The following ANXA4 variants were observed in gnomAD, a reference collection of about 807,000 sequenced individuals.
ANXA4 encodes 35-beta calcimedin.
In ANXA4, 39 loss-of-function variants were observed where a neutral mutation model predicts 49.8. The observed-to-expected ratio is 0.78, with a 90% CI of 0.61 to 1.02. The LOEUF is 1.02. ANXA4 is among the 50% of genes least tolerant of loss of function. The probability of loss-of-function intolerance (pLI) is 0.00; values close to 1 mark genes in which losing one functional copy is unlikely to be tolerated. For missense variants in ANXA4, 360 were observed against 410.1 expected, an observed-to-expected ratio of 0.88 and a Z score of 1.05; for synonymous variants, 134 against 152.5, an observed-to-expected ratio of 0.88 and a Z score of 0.89.
intron 1 of ANXA4, among the ~76,000 whole-genome samples, chr2:69,771,085 C>A (rs1361986342): frequency 7.2e-6 from 1 of 138,640 alleles, no homozygotes; most frequent in Non-Finnish European, 1.5e-5. Context: ...CAGGGCAAGA[C>A]CCTGTCTCCA....
At position 69,686,977 on chromosome 2, in the gene ANXA4, C is replaced by G. The variant is rs78325732; in HGVS notation, n.766+33695C>G. Among the ~76,000 whole-genome samples, 23 of 152,316 alleles carry G rather than the reference C, an allele frequency of 1.5e-4. No homozygotes were observed. In the East Asian group the frequency reaches 4.2e-3, roughly 28 times the overall value. On this transcript the variant is annotated intron_variant and non_coding_transcript_variant, in intron 2 of 3. Coordinates refer to the ANXA4 transcript ENST00000418066. ...AACACATAACTTAAAGTCACACTTT[C>G]CTGAGATCAGAGCAGAGGATGGCAG...
intron 2 of ANXA4, among the ~76,000 whole-genome samples, chr2:69,675,649 G>A (rs1313304869): frequency 6.6e-6 from 1 of 152,164 alleles, no homozygotes; most frequent in African/African-American, 2.4e-5. Context: ...CAGGGGCTGC[G>A]GGGAGGGAGG....
chr2:69,753,204 A>C (rs1670919692), intron 1 of ANXA4, among the ~76,000 whole-genome samples: 1 of 152,172 alleles, frequency 6.6e-6, no homozygotes, highest in Non-Finnish European at 1.5e-5. Flanking sequence ...CTAGTATATG[A>C]TAGGGGCAAA....
intron 2 of ANXA4, among the ~76,000 whole-genome samples, chr2:69,783,895 G>A (rs1672303100): frequency 1.3e-5 from 2 of 152,054 alleles, no homozygotes; most frequent in African/African-American, 2.4e-5. Context: ...TTCTTTTTCT[G>A]GGCATTATAT....
intron 2 of ANXA4, among the ~76,000 whole-genome samples, chr2:69,676,006 CAAA>C (rs558159796): frequency 1.0e-5 from 1 of 99,046 alleles, no homozygotes; most frequent in Non-Finnish European, 2.1e-5. Context: ...GACTCTGTCT[CAAA>C]AAAAAAAAAA....
chr2:69,777,146 G>C (rs4852330), intron 1 of ANXA4, among the ~76,000 whole-genome samples: 1 of 151,920 alleles, frequency 6.6e-6, no homozygotes, highest in South Asian at 2.1e-4. Flanking sequence ...CTCTCCAGGC[G>C]CACGTCTTCC....
chr2:69,806,525 G>C (rs1673450373), intron 5 of ANXA4, 27 bp downstream of exon 5: 33 of 1,563,046 alleles, frequency 2.1e-5, no homozygotes, highest in Non-Finnish European at 2.9e-5. Flanking sequence ...TCGTGCTCTT[G>C]GTGCTGTTGG....
intron 3 of ANXA4, among the ~76,000 whole-genome samples, chr2:69,734,251 C>T (rs1182346271): frequency 1.3e-5 from 2 of 152,220 alleles, no homozygotes; most frequent in Admixed American, 6.5e-5. Context: ...TGGCCATCCT[C>T]CTGAGACTAC....
intron 2 of ANXA4, chr2:69,700,447 A>C (rs1331890981): frequency 1.3e-5 from 2 of 152,218 alleles, no homozygotes; most frequent in Non-Finnish European, 2.9e-5. Flanking sequence ...AGGTTTAAAA[A>C]GTCTTACTAT....
intron 2 of ANXA4, among the ~76,000 whole-genome samples, chr2:69,705,028 G>A (rs1421629220): frequency 6.6e-6 from 1 of 152,144 alleles, no homozygotes; most frequent in African/African-American, 2.4e-5. Context: ...TGATGGGCCT[G>A]TAATTCCAGG....
intron 3 of ANXA4, among the ~76,000 whole-genome samples, chr2:69,796,817 A>C (rs1373645065): frequency 2.0e-5 from 3 of 152,046 alleles, no homozygotes; most frequent in Non-Finnish European, 4.4e-5. Context: ...CTCCTGCAAA[A>C]CTTGCTCTTC....
intron 1 of ANXA4, among the ~76,000 whole-genome samples, chr2:69,758,230 C>G (rs1671140036): frequency 6.6e-6 from 1 of 152,176 alleles, no homozygotes; most frequent in South Asian, 2.1e-4. Flanking sequence ...CCAGGCTGGT[C>G]TTGAACTCCT....
At chr2:69,667,890 T>C (rs1260130576) in intron 2 of ANXA4, among the ~76,000 whole-genome samples, 1 of 152,238 alleles carries the variant, frequency 6.6e-6, no homozygotes, top group Admixed American at 6.5e-5. Flanking sequence ...GGATGGTCTC[T>C]GCTTTTCTCC....
Position 69,818,612 on chromosome 2 carries a change from CA to C in ANXA4, c.646del (p.Arg216GlyfsTer26). The C allele has an allele frequency of 6.2e-7, 1 of 1,602,130 alleles. No homozygotes were observed. Among genetic ancestry groups the C allele is most frequent in the Non-Finnish European group, 8.5e-7 (1 of 1,173,600 alleles). On this transcript the variant is annotated frameshift_variant, in exon 10 of 13. Coordinates refer to ENST00000394295, the MANE Select transcript of ANXA4 (RefSeq NM_001153.5). LOFTEE classifies it high-confidence loss of function. ...TATTGTCTGCAGTGTTTGATGAATA[CA>C]AAAGGATATCACAGAAGGATATTGA... The part of the protein sequence containing the change: ...NHLLHVFDEY[K>X]RISQKDIEQS...
At chr2:69,665,004 G>A (rs988891484) in intron 2 of ANXA4, among the ~76,000 whole-genome samples, 3 of 152,310 alleles carry the variant, frequency 2.0e-5, no homozygotes, top group Admixed American at 6.5e-5. Context: ...TCAGGAGGCT[G>A]AGGCAGGAGA....
chr2:69,766,675 C>T (rs1671506470), intron 1 of ANXA4, among the ~76,000 whole-genome samples: 1 of 152,044 alleles, frequency 6.6e-6, no homozygotes, highest in Non-Finnish European at 1.5e-5. Context: ...CTTTTTTTCT[C>T]ATCAGAAGGG....
chr2:69,786,199 C>G (rs1346796563), intron 2 of ANXA4, among the ~76,000 whole-genome samples: 1 of 152,132 alleles, frequency 6.6e-6, no homozygotes, highest in Non-Finnish European at 1.5e-5. Context: ...TAAATGATAC[C>G]CAGCTGCTCA....
chr2:69,755,316 A>G (rs1007151455), intron 1 of ANXA4, among the ~76,000 whole-genome samples: 2 of 152,204 alleles, frequency 1.3e-5, no homozygotes, highest in Non-Finnish European at 2.9e-5. Context: ...ACTGAATTGT[A>G]CACTTTAAAA....
At chr2:69,733,574 T>C (rs1321329140) in intron 3 of ANXA4, among the ~76,000 whole-genome samples, 1 of 149,512 alleles carries the variant, frequency 6.7e-6, no homozygotes, top group Admixed American at 6.7e-5. Context: ...ATTGCACCAC[T>C]GCACTCCAGC....
Sources: gnomAD v4.1 joint callset for allele counts (sites outside exome capture counted in the v4.1 genomes callset) on GRCh38, gnomAD v4.1.1 for gene constraint, MANE v1.5 for transcripts, NCBI Gene and HGNC (gene_info 2026-07-23, HGNC 2026-07-21) for gene names.